Variants in CTNNA2 observed in about 807,000 individuals in gnomAD.
CTNNA2 encodes catenin alpha-2.
CTNNA2 carries 42 observed loss-of-function variants against 101.0 expected under a neutral mutation model. That is an observed-to-expected ratio of 0.42 (90% CI 0.32 to 0.54). The LOEUF (loss-of-function observed/expected upper bound fraction) is 0.54. CTNNA2 is among the 20% of genes least tolerant of loss of function. The probability of loss-of-function intolerance (pLI) is 0.14; values close to 1 mark genes in which losing one functional copy is unlikely to be tolerated. For synonymous variants in CTNNA2, 450 were observed against 456.4 expected, an observed-to-expected ratio of 0.99 and a Z score of 0.18; for missense variants, 871 against 1,223.1, an observed-to-expected ratio of 0.71 and a Z score of 4.29.
At chr2:80,605,127 A>G (rs1697891022) in intron 16 of CTNNA2, 1 of 151,968 alleles carries the variant, frequency 6.6e-6, no homozygotes, top group Non-Finnish European at 1.5e-5. Context: ...ATGCTTTCAA[A>G]CCAAACTAGG....
rs148070600 is a variant in CTNNA2 at position 80,241,410 on chromosome 2, A to G, written c.1057-151801A>G. 2.1e-3 allele frequency among the ~76,000 whole-genome samples: 318 copies of G among 151,932 alleles called. 2 individuals carry two copies. The highest frequency in any genetic ancestry group is 7.4e-3 in the African/African-American group (308 of 41,456). On this transcript the variant is annotated intron_variant, in intron 7 of 18. Transcript: ENST00000402739. ...TACTAGATGGCACAGTGATTCTATT[A>G]CTTTAAAGCATTTTAGGAACATTTC...
intron 18 of CTNNA2, among the ~76,000 whole-genome samples, chr2:80,640,109 CA>C (rs550111018): frequency 6.6e-6 from 1 of 151,154 alleles, no homozygotes; most frequent in Admixed American, 6.6e-5. Flanking sequence ...CAAAAAAAAA[CA>C]AAAAAACAAA....
intron 7 of CTNNA2, among the ~76,000 whole-genome samples, chr2:80,311,338 C>T (rs535799912): frequency 5.9e-5 from 9 of 152,210 alleles, no homozygotes; most frequent in Non-Finnish European, 1.2e-4. Context: ...TTGCTGCTTT[C>T]TCTTTGCCTT....
At chr2:79,553,209 A>G (rs973754697) in intron 1 of CTNNA2, among the ~76,000 whole-genome samples, 8 of 152,104 alleles carry the variant, frequency 5.3e-5, no homozygotes, top group African/African-American at 7.2e-5. Flanking sequence ...AAATTTCCAA[A>G]TATGTTCCTT....
At chr2:80,326,956 T>G (rs1207748239) in intron 7 of CTNNA2, among the ~76,000 whole-genome samples, 1 of 152,208 alleles carries the variant, frequency 6.6e-6, no homozygotes. Context: ...TTATTTGCTT[T>G]TTAGAAACCT....
chr2:79,881,444 C>G (rs1683417680), intron 6 of CTNNA2, among the ~76,000 whole-genome samples: 1 of 151,878 alleles, frequency 6.6e-6, no homozygotes, highest in South Asian at 2.1e-4. Context: ...GTGTAGAGAC[C>G]TATTAGTTTC....
chr2:79,451,130 T>C (rs1312831477), intron 4 of CTNNA2, among the ~76,000 whole-genome samples: 1 of 152,112 alleles, frequency 6.6e-6, no homozygotes, highest in Non-Finnish European at 1.5e-5. Context: ...AGCTGAGAGT[T>C]AGTTTTATTT....
intron 2 of CTNNA2, among the ~76,000 whole-genome samples, chr2:79,290,201 T>G (rs972492513): frequency 6.6e-6 from 1 of 152,182 alleles, no homozygotes; most frequent in Admixed American, 6.5e-5. Flanking sequence ...TGTTTAACAT[T>G]CATTGGACTG....
At chr2:80,266,794 G>C (rs1364761652) in intron 7 of CTNNA2, among the ~76,000 whole-genome samples, 1 of 152,198 alleles carries the variant, frequency 6.6e-6, no homozygotes, top group Admixed American at 6.5e-5. Context: ...TGAGAGATCT[G>C]TGTGTGCCCA....
chr2:80,285,122 G>GA (rs1307373735), intron 7 of CTNNA2, among the ~76,000 whole-genome samples: 1 of 152,110 alleles, frequency 6.6e-6, no homozygotes, highest in Non-Finnish European at 1.5e-5. Flanking sequence ...GGTCAGCCAT[G>GA]ACCTGGCTTC....
intron 7 of CTNNA2, among the ~76,000 whole-genome samples, chr2:80,390,397 A>G (rs1206749528): frequency 2.0e-5 from 3 of 152,222 alleles, no homozygotes; most frequent in Non-Finnish European, 2.9e-5. Flanking sequence ...TGTTCCCCAC[A>G]GGGACCAATA....
intron 4 of CTNNA2, among the ~76,000 whole-genome samples, chr2:79,482,828 C>T (rs1671123055): frequency 6.6e-6 from 1 of 152,122 alleles, no homozygotes; most frequent in South Asian, 2.1e-4. Context: ...AATTTCATCC[C>T]CAAGGGCTTT....
intron 7 of CTNNA2, among the ~76,000 whole-genome samples, chr2:80,095,511 G>C (rs1185714639): frequency 6.6e-6 from 1 of 152,202 alleles, no homozygotes; most frequent in Non-Finnish European, 1.5e-5. Flanking sequence ...GATGATGCTG[G>C]CCTCATCAAA....
At chr2:80,620,584 T>C (rs1358149178) in intron 18 of CTNNA2, among the ~76,000 whole-genome samples, 2 of 151,936 alleles carry the variant, frequency 1.3e-5, no homozygotes, top group Admixed American at 6.6e-5. Flanking sequence ...AAGATTTTGA[T>C]GACAGTCCCC....
chr2:80,624,218 T>C (rs1671435311), intron 18 of CTNNA2, among the ~76,000 whole-genome samples: 1 of 146,526 alleles, frequency 6.8e-6, no homozygotes, highest in South Asian at 2.1e-4. Flanking sequence ...CCATTTGACT[T>C]CTTTAATTAA....
intron 3 of CTNNA2, among the ~76,000 whole-genome samples, chr2:79,335,704 T>A (rs899775444): frequency 1.3e-5 from 2 of 152,212 alleles, no homozygotes; most frequent in African/African-American, 2.4e-5. Flanking sequence ...AGGTGGGGCT[T>A]CTCTCATCTG....
At chr2:79,542,590 T>G (rs1400207201) in intron 1 of CTNNA2, among the ~76,000 whole-genome samples, 1 of 152,148 alleles carries the variant, frequency 6.6e-6, no homozygotes, top group Non-Finnish European at 1.5e-5. Flanking sequence ...GAGCCCTAAT[T>G]TACTTATCTG....
chr2:79,332,642 T>G (rs1676900967), intron 3 of CTNNA2, among the ~76,000 whole-genome samples: 1 of 152,224 alleles, frequency 6.6e-6, no homozygotes, highest in Admixed American at 6.5e-5. Context: ...TCAGCAATCC[T>G]ACAGGGCTAA....
intron 4 of CTNNA2, among the ~76,000 whole-genome samples, chr2:79,868,189 A>G (rs1682290304): frequency 6.6e-6 from 1 of 152,188 alleles, no homozygotes; most frequent in Non-Finnish European, 1.5e-5. Flanking sequence ...GATTTACATC[A>G]TCGTTTCATA....
Sources: allele counts gnomAD v4.1 joint callset (sites outside exome capture counted in the v4.1 genomes callset), GRCh38; gene constraint gnomAD v4.1.1; transcripts MANE v1.5; gene names NCBI Gene and HGNC (gene_info 2026-07-23, HGNC 2026-07-21).